The following MTHFD1L variants were observed in gnomAD, a reference collection of about 807,000 sequenced individuals.
MTHFD1L encodes monofunctional C1-tetrahydrofolate synthase, mitochondrial.
A neutral mutation model predicts 119.5 loss-of-function variants in MTHFD1L; 81 were observed. The observed-to-expected ratio is 0.68, with a 90% CI of 0.57 to 0.82. The LOEUF (loss-of-function observed/expected upper bound fraction) is 0.82, where lower values mean the gene tolerates loss of function less well. MTHFD1L is among the 40% of genes least tolerant of loss of function. The pLI, the probability that MTHFD1L is intolerant of heterozygous loss-of-function variation, is 0.00. For missense variants in MTHFD1L, 1,125 were observed against 1,253.4 expected, an observed-to-expected ratio of 0.90 and a Z score of 1.55; for synonymous variants, 430 against 475.2, an observed-to-expected ratio of 0.90 and a Z score of 1.24.
intron 20 of MTHFD1L, among the ~76,000 whole-genome samples, chr6:150,983,249 CT>C (rs1777803471): frequency 6.8e-6 from 1 of 148,134 alleles, no homozygotes; most frequent in Non-Finnish European, 1.5e-5. Context: ...CTTGTTGTAC[CT>C]TTTCTTGTCC....
At chr6:151,037,491 T>C (rs1786360910) in intron 26 of MTHFD1L, among the ~76,000 whole-genome samples, 1 of 152,152 alleles carries the variant, frequency 6.6e-6, no homozygotes, top group Admixed American at 6.5e-5. Flanking sequence ...GGTTGACTGC[T>C]CACACCAGAC....
chr6:151,098,416 A>G (rs1187321263), intron 27 of MTHFD1L, among the ~76,000 whole-genome samples: 1 of 151,938 alleles, frequency 6.6e-6, no homozygotes, highest in African/African-American at 2.4e-5. Context: ...GCTCATCACC[A>G]TTGTGTTCCG....
intron 27 of MTHFD1L, among the ~76,000 whole-genome samples, chr6:151,099,010 T>C (rs1174409408): frequency 1.3e-5 from 2 of 152,074 alleles, no homozygotes; most frequent in African/African-American, 4.8e-5. Flanking sequence ...ACCCCATCTC[T>C]ACTAAAAATA....
At position 150,866,048 on chromosome 6, in the gene MTHFD1L, A is replaced by T. The variant is rs1445284688; in HGVS notation, c.226A>T (p.Arg76Ter). 1 of 1,466,064 alleles carries T rather than the reference A, an allele frequency of 6.8e-7. No homozygotes were observed. The highest frequency in any genetic ancestry group is 2.5e-5 in the Admixed American group (1 of 40,424). The allele number at this position is 1,466,064 out of a possible 1,614,324, so 90.8% of individuals were successfully genotyped here. The change falls in exon 1 of 28, where the codon AGA becomes TGA. Residue 76 changes from arginine (R) to a stop codon, truncating the protein, a stop_gained and splice_region_variant. Coordinates refer to ENST00000367321, the MANE Select transcript of MTHFD1L (RefSeq NM_015440.5). LOFTEE classifies it high-confidence loss of function. ...GCCCGCGGCGCGGGACTCCATCGTC[A>T]GGTGAGTGTCGGGTCTGGCCCTGGC... Reference protein sequence around the residue: ...RTPAARDSIVREVIQNSKEVL... With the variant: ...RTPAARDSIV
rs372410481 is a variant in MTHFD1L at position 150,877,918 on chromosome 6, T to C, written c.417+92T>C. ...GTCTCTTAGTGGTGGCTGGGACAGA[T>C]CTAAGATTTGCTTGTGACTGAATGT... On this transcript the variant is annotated intron_variant, in intron 4 of 27. Coordinates refer to ENST00000367321, the MANE Select transcript of MTHFD1L (RefSeq NM_015440.5). 5.4e-6 allele frequency: 8 copies of C among 1,471,268 alleles called. No homozygotes were observed. The African/African-American group carries it at 1.1e-4, about 21-fold the overall frequency. 91.1% of individuals were successfully genotyped at this position (1,471,268 alleles called of 1,614,324 possible).
chr6:150,956,130 G>A (rs1276168831), intron 17 of MTHFD1L, 59 bp downstream of exon 17: 270 of 1,523,406 alleles, frequency 1.8e-4, no homozygotes, highest in Non-Finnish European at 2.3e-4. Context: ...CTACTGGCCT[G>A]GGAGCTCACT....
intron 19 of MTHFD1L, among the ~76,000 whole-genome samples, chr6:150,968,348 T>C (rs1319477410): frequency 6.6e-6 from 1 of 152,192 alleles, no homozygotes; most frequent in Non-Finnish European, 1.5e-5. Flanking sequence ...TGTTTATTAT[T>C]TTTACTACAT....
At chr6:151,062,395 G>A (rs538292606) in intron 26 of MTHFD1L, among the ~76,000 whole-genome samples, 3 of 152,166 alleles carry the variant, frequency 2.0e-5, no homozygotes, top group East Asian at 1.9e-4. Context: ...CCAAGATCGC[G>A]CCACTGCACT....
intron 4 of MTHFD1L, among the ~76,000 whole-genome samples, chr6:150,878,255 CTCTT>C (rs1463221814): frequency 2.7e-5 from 4 of 148,898 alleles, no homozygotes; most frequent in African/African-American, 7.3e-5. Flanking sequence ...CTCTCTCTCT[CTCTT>C]TTTTTTTTTG....
rs1021738406 is a variant in MTHFD1L at position 150,934,866 on chromosome 6, T to C, written c.1257-1938T>C. On this transcript the variant is annotated intron_variant, in intron 11 of 27. Coordinates refer to ENST00000367321, the MANE Select transcript of MTHFD1L (RefSeq NM_015440.5). ...AATGCTTTCTCATTTGGACCCAAAC[T>C]CCAGATCGGGAGCAGTCTTATAGCT... is the stretch of plus-strand genomic sequence containing the variant. 7 of 1,410,376 alleles carry C rather than the reference T, an allele frequency of 5.0e-6. No individual in the cohort carries two copies. In the Admixed American group the frequency reaches 1.5e-4, roughly 30 times the overall value. The allele number at this position is 1,410,376 out of a possible 1,614,324, so 87.4% of individuals were successfully genotyped here. A position where few individuals can be genotyped will look rare whatever the true frequency, so the allele number is the denominator to read the frequency against.
chr6:151,018,441 G>A (rs1036530573), intron 24 of MTHFD1L, among the ~76,000 whole-genome samples: 7 of 152,120 alleles, frequency 4.6e-5, no homozygotes, highest in Non-Finnish European at 7.3e-5. Flanking sequence ...GTATATGGGC[G>A]CTTTGCACAT....
At chr6:150,966,095 A>G (rs558104393) in intron 19 of MTHFD1L, among the ~76,000 whole-genome samples, 3 of 152,276 alleles carry the variant, frequency 2.0e-5, no homozygotes, top group South Asian at 2.1e-4. Flanking sequence ...GTGTTTTGCA[A>G]TTTCAGACAG....
intron 16 of MTHFD1L, among the ~76,000 whole-genome samples, chr6:150,949,800 C>T (rs1337897347): frequency 6.6e-6 from 1 of 152,106 alleles, no homozygotes; most frequent in African/African-American, 2.4e-5. Context: ...AGTTAGGAGC[C>T]CTGAGTGTGT....
intron 20 of MTHFD1L, among the ~76,000 whole-genome samples, chr6:150,978,732 C>T (rs1199021702): frequency 2.6e-5 from 4 of 152,144 alleles, no homozygotes; most frequent in African/African-American, 9.7e-5. Context: ...ATCCTTAAAA[C>T]CGTCTGTGGG....
chr6:150,899,887 G>A (rs935271726), intron 7 of MTHFD1L, among the ~76,000 whole-genome samples: 1 of 151,560 alleles, frequency 6.6e-6, no homozygotes, highest in Admixed American at 6.6e-5. Context: ...CAGGAGAATC[G>A]TTGAACCCAG....
At chr6:151,071,202 G>T (rs777437127) in intron 26 of MTHFD1L, among the ~76,000 whole-genome samples, 7 of 148,064 alleles carry the variant, frequency 4.7e-5, no homozygotes, top group Non-Finnish European at 9.0e-5. Context: ...TTGATACAAT[G>T]GTTGTGTTGG....
Position 150,923,552 on chromosome 6 carries a change from T to A in MTHFD1L, c.1082+1250T>A, listed in dbSNP as rs947109292. On this transcript the variant is annotated intron_variant, in intron 10 of 27. Coordinates refer to ENST00000367321, the MANE Select transcript of MTHFD1L (RefSeq NM_015440.5). ...TTATTTATTTATTTTTTCTTTTTTT[T>A]TTTTTTTTTTTTGAGACAGAGTCTT... is the stretch of plus-strand genomic sequence containing the variant. Among the ~76,000 whole-genome samples the A allele has an allele frequency of 2.3e-4, 32 of 138,078 alleles. 1 individual carries two copies. Among genetic ancestry groups the A allele is most frequent in the East Asian group, 1.8e-3 (9 of 4,924 alleles). The allele number at this position is 138,078 out of a possible 152,430, so 90.6% of individuals were successfully genotyped here.
chr6:150,966,735 A>G (rs1339966014), intron 19 of MTHFD1L, among the ~76,000 whole-genome samples: 1 of 152,252 alleles, frequency 6.6e-6, no homozygotes, highest in East Asian at 1.9e-4. Context: ...CTGAGGCAGG[A>G]GAATCACTTG....
chr6:150,980,740 GAA>G (rs1777364604), intron 20 of MTHFD1L, among the ~76,000 whole-genome samples: 1 of 149,434 alleles, frequency 6.7e-6, no homozygotes, highest in African/African-American at 2.5e-5. Context: ...AGAAAGAAAA[GAA>G]AAGAGAGAAG....
Sources: allele counts gnomAD v4.1 joint callset (sites outside exome capture counted in the v4.1 genomes callset), GRCh38; gene constraint gnomAD v4.1.1; transcripts MANE v1.5; gene names NCBI Gene and HGNC (gene_info 2026-07-23, HGNC 2026-07-21).